Variants in PHF20 observed in about 807,000 individuals in gnomAD.
PHF20 encodes the protein glioma-expressed antigen 2.
In PHF20, 23 loss-of-function variants were observed where a neutral mutation model predicts 113.5. That is an observed-to-expected ratio of 0.20 (90% CI 0.15 to 0.29). The LOEUF is 0.29. Among genes scored for constraint, PHF20 ranks in the 10% least tolerant of loss-of-function variants. The probability of loss-of-function intolerance (pLI) is 1.00; values close to 1 mark genes in which losing one functional copy is unlikely to be tolerated. For synonymous variants in PHF20, 434 were observed against 457.3 expected (o/e 0.95, Z 0.65); for missense variants, 943 against 1,219.6 (o/e 0.77, Z 3.38).
chr20:35,847,343 T>C lies in PHF20; in HGVS notation c.256-7T>C. On this transcript the variant is annotated splice_region_variant and splice_polypyrimidine_tract_variant and intron_variant, in intron 3 of 17. Coordinates refer to ENST00000374012, the MANE Select transcript of PHF20 (RefSeq NM_016436.5). The stretch of plus-strand genomic sequence containing the variant: ...CAGGATCTTTTTTTTTTTTTTATGT[T>C]TTTTAGGAATTTCAAATAAATGAGC... 1.3e-6 allele frequency: 2 copies of C among 1,592,002 alleles called. No homozygotes were observed. Among genetic ancestry groups the C allele is most frequent in the Non-Finnish European group, 1.7e-6 (2 of 1,166,906 alleles).
chr20:35,860,753 T>G (rs2054204693), intron 5 of PHF20, among the ~76,000 whole-genome samples: 1 of 152,198 alleles, frequency 6.6e-6, no homozygotes, highest in Admixed American at 6.5e-5. Context: ...TGGCAATTTT[T>G]GTGTTAGGTT....
chr20:35,893,810 T>A (rs1378067265), intron 9 of PHF20, among the ~76,000 whole-genome samples: 1 of 152,070 alleles, frequency 6.6e-6, no homozygotes, highest in Non-Finnish European at 1.5e-5. Flanking sequence ...GAGATGGGGT[T>A]TCACCATGTT....
chr20:35,829,949 T>G (rs982596914), intron 2 of PHF20, among the ~76,000 whole-genome samples: 5 of 151,278 alleles, frequency 3.3e-5, no homozygotes, highest in Non-Finnish European at 7.4e-5. Flanking sequence ...AGTTTCGCTC[T>G]GTCACCTAGG....
intron 1 of PHF20, among the ~76,000 whole-genome samples, chr20:35,794,350 C>G (rs956707660): frequency 6.6e-6 from 1 of 151,518 alleles, no homozygotes; most frequent in Admixed American, 6.6e-5. Flanking sequence ...ATGTGCTTAT[C>G]TTGTTTCTTA....
In PHF20 at chr20:35,947,671, T is replaced by G. The variant is rs775206805; in HGVS notation, c.*44T>G. 6.3e-7 allele frequency: 1 copy of G among 1,588,010 alleles called. No individual in the cohort carries two copies. Among genetic ancestry groups the G allele is most frequent in the Non-Finnish European group, 8.6e-7 (1 of 1,160,910 alleles). On this transcript the variant is annotated 3_prime_UTR_variant, in exon 18 of 18. Transcript: ENST00000374012. ...CATGGGGGCACAATCCTGGGGCACC[T>G]GCAGGAGGAGCTTCGCATATTTAAA... is the stretch of plus-strand genomic sequence containing the variant.
intron 9 of PHF20, among the ~76,000 whole-genome samples, chr20:35,885,962 G>A (rs1389060742): frequency 3.3e-5 from 5 of 151,828 alleles, no homozygotes; most frequent in Non-Finnish European, 5.9e-5. Context: ...CTTTCAACAT[G>A]TATTAGTTTA....
At chr20:35,933,395 G>T (rs1389802249) in intron 15 of PHF20, among the ~76,000 whole-genome samples, 1 of 149,416 alleles carries the variant, frequency 6.7e-6, no homozygotes, top group Non-Finnish European at 1.5e-5. Context: ...ACCACACCTG[G>T]ATAATTTTTT....
chr20:35,860,818 G>A lies in PHF20; in HGVS notation c.421-2195G>A, dbSNP rs188477841. 5.1e-3 allele frequency among the ~76,000 whole-genome samples: 772 copies of A among 152,242 alleles called. 8 individuals are homozygous for A. Among genetic ancestry groups the A allele is most frequent in the Middle Eastern group, 0.01 (3 of 294 alleles). ...TTATAAACTTGTCCAGAATTGGCAG[G>A]TTATATCCAGAACCTTCCCAAGTGG... On this transcript the variant is annotated intron_variant, in intron 5 of 17. Coordinates refer to ENST00000374012, the MANE Select transcript of PHF20 (RefSeq NM_016436.5).
At chr20:35,919,336 ATTT>A (rs751803907) in intron 13 of PHF20, among the ~76,000 whole-genome samples, 2 of 112,624 alleles carry the variant, frequency 1.8e-5, no homozygotes, top group Non-Finnish European at 3.7e-5. Flanking sequence ...TGTTATGGTA[ATTT>A]TTTTTTTTTT....
chr20:35,813,635 GGATCA>G (rs1354271066), intron 2 of PHF20, among the ~76,000 whole-genome samples: 2 of 152,238 alleles, frequency 1.3e-5, no homozygotes, highest in African/African-American at 4.8e-5. Context: ...CTAGGCAGGT[GGATCA>G]GAAGGTCAGG....
intron 16 of PHF20, among the ~76,000 whole-genome samples, chr20:35,939,655 C>T (rs976952942): frequency 3.9e-5 from 6 of 152,214 alleles, no homozygotes; most frequent in Non-Finnish European, 7.3e-5. Flanking sequence ...TCATTCTCTT[C>T]TAGAACCCCC....
In PHF20 at chr20:35,871,022, G is replaced by A; in HGVS notation, c.990G>A (p.Arg330=). The change falls in exon 8 of 18, where the codon AGG becomes AGA. Residue 330 remains arginine, a synonymous_variant. Coordinates refer to ENST00000374012, the MANE Select transcript of PHF20 (RefSeq NM_016436.5). ...DKDLSRRRSS[R]LSTNGTHEIL... is the part of the protein sequence containing the mutation. Reference sequence around the variant, plus strand: ...ACTTATCGAGGAGACGTTCCTCCAGGCTGTCCACTAATGGGACCCATGAGA... The same window carrying A: ...ACTTATCGAGGAGACGTTCCTCCAGACTGTCCACTAATGGGACCCATGAGA... 2 of 1,611,860 alleles carry A rather than the reference G, an allele frequency of 1.2e-6. No individual in the cohort carries two copies. Among genetic ancestry groups the A allele is most frequent in the South Asian group, 1.1e-5 (1 of 90,514 alleles).
At chr20:35,883,984 A>T (rs1198623720) in intron 9 of PHF20, among the ~76,000 whole-genome samples, 2 of 152,140 alleles carry the variant, frequency 1.3e-5, no homozygotes, top group African/African-American at 4.8e-5. Flanking sequence ...GTACTCCAGG[A>T]CTGGGTGGTG....
chr20:35,838,253 T>TA (rs1251669780), intron 2 of PHF20: 1 of 152,190 alleles, frequency 6.6e-6, no homozygotes, highest in Non-Finnish European at 1.5e-5. Context: ...AATAAGTATG[T>TA]AATTATGTAC....
intron 2 of PHF20, among the ~76,000 whole-genome samples, chr20:35,839,513 A>G (rs1339193201): frequency 1.3e-5 from 2 of 152,158 alleles, no homozygotes; most frequent in East Asian, 3.8e-4. Flanking sequence ...AGAGATATAT[A>G]ATTGCCATAT....
chr20:35,923,444 T>A (rs1382458791), intron 13 of PHF20, among the ~76,000 whole-genome samples: 1 of 152,132 alleles, frequency 6.6e-6, no homozygotes, highest in Non-Finnish European at 1.5e-5. Flanking sequence ...CTACAAGAAA[T>A]TAAATAAAAA....
intron 3 of PHF20, among the ~76,000 whole-genome samples, chr20:35,846,649 C>T (rs2042629753): frequency 6.6e-6 from 1 of 152,122 alleles, no homozygotes; most frequent in Non-Finnish European, 1.5e-5. Context: ...TCTAGTAGTC[C>T]TGGCCTCTTA....
At chr20:35,899,762 A>G in intron 10 of PHF20, 114 bp downstream of exon 10, 1 of 1,062,418 alleles carries the variant, frequency 9.4e-7, no homozygotes, top group Non-Finnish European at 1.4e-6. Flanking sequence ...GTTGAATCCC[A>G]CAGGACTGAA....
intron 1 of PHF20, chr20:35,800,311 G>A (rs6060609): frequency 3.3e-5 from 5 of 152,274 alleles, no homozygotes; most frequent in African/African-American, 1.2e-4. Context: ...TGCAATCCCA[G>A]CTACTTGGGA....
Sources: gnomAD v4.1 joint callset for allele counts (sites outside exome capture counted in the v4.1 genomes callset) on GRCh38, gnomAD v4.1.1 for gene constraint, MANE v1.5 for transcripts, NCBI Gene and HGNC (gene_info 2026-07-23, HGNC 2026-07-21) for gene names.